MTPN: variants seen among roughly 807,000 people sequenced by gnomAD.
MTPN encodes the protein granule cell differentiation protein.
MTPN carries 2 observed loss-of-function variants against 13.5 expected under a neutral mutation model. The observed-to-expected ratio is 0.15, with a 90% CI of 0.06 to 0.47. The LOEUF is 0.47. Among genes scored for constraint, MTPN ranks in the 20% least tolerant of loss-of-function variants. The pLI is 0.97. For missense variants in MTPN, 79 were observed against 137.9 expected, an observed-to-expected ratio of 0.57 and a Z score of 2.14; for synonymous variants, 46 against 51.7, an observed-to-expected ratio of 0.89 and a Z score of 0.48.
intron 1 of MTPN, among the ~76,000 whole-genome samples, chr7:135,959,140 A>G (rs2116390169): frequency 6.6e-6 from 1 of 152,322 alleles, no homozygotes; most frequent in East Asian, 1.9e-4. Context: ...TTGTGAACAC[A>G]CTATGTATTC....
At chr7:135,973,145 G>A (rs998967486) in intron 1 of MTPN, among the ~76,000 whole-genome samples, 22 of 150,446 alleles carry the variant, frequency 1.5e-4, no homozygotes, top group African/African-American at 5.1e-4. Context: ...AAGATTACAT[G>A]CTTATATTCA....
chr7:135,953,257 G>A (rs993487899), intron 1 of MTPN, among the ~76,000 whole-genome samples: 14 of 152,066 alleles, frequency 9.2e-5, no homozygotes, highest in Admixed American at 7.9e-4. Flanking sequence ...TCTCTTTCTC[G>A]TAAAACTCAC....
rs1373471838 is a variant in MTPN at position 135,951,548 on chromosome 7, TC to T, written c.154del (p.Glu52AsnfsTer5). ...AADCGQLEIL[E>X]FLLLKGADIN... ...ATCTGCTCCTTTCAGCAGCAGAAAT[TC>T]CAGGATTTCAAGCTGCCCACAATCT... On this transcript the variant is annotated frameshift_variant, in exon 2 of 4. Transcript: ENST00000393085. LOFTEE classifies it high-confidence loss of function. 1 of 1,613,230 alleles carries T rather than the reference TC, an allele frequency of 6.2e-7. No individual in the cohort carries two copies. Among genetic ancestry groups the T allele is most frequent in the East Asian group, 2.2e-5 (1 of 44,848 alleles).
chr7:135,958,344 T>A (rs1182649040), intron 1 of MTPN, among the ~76,000 whole-genome samples: 4 of 152,336 alleles, frequency 2.6e-5, no homozygotes, highest in Admixed American at 2.6e-4. Flanking sequence ...TACAGTCACT[T>A]ATAACAGCTT....
At chr7:135,950,816 T>C in intron 2 of MTPN, 134 bp from the exon 3 acceptor site, 1 of 708,192 alleles carries the variant, frequency 1.4e-6, no homozygotes, top group Non-Finnish European at 2.4e-6. Flanking sequence ...ATCCACAGAG[T>C]CAAGTGTCTA....
chr7:135,945,170 G>C (rs556253825), intron 3 of MTPN, among the ~76,000 whole-genome samples: 2 of 152,192 alleles, frequency 1.3e-5, no homozygotes, highest in Non-Finnish European at 2.9e-5. Flanking sequence ...GAAGCCTGCA[G>C]GACTGGAGGT....
chr7:135,971,107 T>C (rs1231943618), intron 1 of MTPN, among the ~76,000 whole-genome samples: 1 of 152,152 alleles, frequency 6.6e-6, no homozygotes, highest in Admixed American at 6.5e-5. Context: ...GTTCAAGAGA[T>C]TCTATCCTTT....
At chr7:135,957,605 C>G (rs1799461672) in intron 1 of MTPN, among the ~76,000 whole-genome samples, 1 of 152,106 alleles carries the variant, frequency 6.6e-6, no homozygotes, top group African/African-American at 2.4e-5. Context: ...ATTCCAATGT[C>G]AAAGCATAGT....
At chr7:135,971,459 C>A (rs1174928927) in intron 1 of MTPN, among the ~76,000 whole-genome samples, 1 of 152,048 alleles carries the variant, frequency 6.6e-6, no homozygotes, top group African/African-American at 2.4e-5. Flanking sequence ...ATATAGTACC[C>A]CCCTAGTTTC....
intron 3 of MTPN, among the ~76,000 whole-genome samples, chr7:135,945,335 CTTT>C (rs1799274157): frequency 1.3e-5 from 2 of 152,084 alleles, no homozygotes; most frequent in Non-Finnish European, 2.9e-5. Flanking sequence ...CTCACTGTAA[CTTT>C]TTTACTTTAT....
chr7:135,960,753 T>C (rs1256084774), intron 1 of MTPN: 3 of 151,840 alleles, frequency 2.0e-5, no homozygotes, highest in Non-Finnish European at 4.4e-5. Flanking sequence ...ATACAGAAGA[T>C]TAGTACGGCC....
intron 3 of MTPN, among the ~76,000 whole-genome samples, chr7:135,942,904 C>T (rs548498748): frequency 6.6e-6 from 1 of 152,296 alleles, no homozygotes; most frequent in African/African-American, 2.4e-5. Context: ...AAGAGCTAAA[C>T]AGTTAACGAC....
At chr7:135,963,129 A>G (rs1468032809) in intron 1 of MTPN, among the ~76,000 whole-genome samples, 2 of 152,072 alleles carry the variant, frequency 1.3e-5, no homozygotes, top group Non-Finnish European at 2.9e-5. Context: ...ACAAAATTCT[A>G]TATAGTTGAG....
At position 135,927,469 on chromosome 7, in the gene MTPN, CA is replaced by C. The variant is rs1798938481; in HGVS notation, c.*2456del. On this transcript the variant is annotated 3_prime_UTR_variant, in exon 4 of 4. Coordinates refer to ENST00000393085, the MANE Select transcript of MTPN (RefSeq NM_145808.4). ...ATTTAATACAAAACTACAGAACATG[CA>C]AAATTTTTTCTGAGATGTTAAGTAT... 1 of 1,508,470 alleles carries C rather than the reference CA, an allele frequency of 6.6e-7. No individual in the cohort carries two copies. The highest frequency in any genetic ancestry group is 2.5e-5 in the East Asian group (1 of 40,466). The allele number at this position is 1,508,470 out of a possible 1,614,324, so 93.4% of individuals were successfully genotyped here.
chr7:135,952,195 T>G (rs780919756), intron 1 of MTPN, among the ~76,000 whole-genome samples: 10 of 152,162 alleles, frequency 6.6e-5, no homozygotes, highest in Non-Finnish European at 1.3e-4. Flanking sequence ...GCTTACCGTC[T>G]GGGGTTGGGG....
intron 1 of MTPN, among the ~76,000 whole-genome samples, chr7:135,966,495 T>G (rs1799608152): frequency 1.3e-5 from 2 of 152,034 alleles, no homozygotes; most frequent in Non-Finnish European, 2.9e-5. Context: ...AAATTCAAAA[T>G]TTGAAGTACA....
Position 135,977,193 on chromosome 7 carries a change from C to T in MTPN, c.-93G>A. The T allele has an allele frequency of 7.8e-7, 1 of 1,288,468 alleles. No individual in the cohort carries two copies. Among genetic ancestry groups the T allele is most frequent in the Admixed American group, 1.7e-5 (1 of 59,000 alleles). The allele number at this position is 1,288,468 out of a possible 1,614,324, so 79.8% of individuals were successfully genotyped here. On this transcript the variant is annotated 5_prime_UTR_variant, in exon 1 of 4. Transcript: ENST00000393085. ...CCGCCGGGCGAGAGGGAGGCAGGGC[C>T]GCGCGAAGCCGGAGAGGAGAAGAAG...
chr7:135,931,101 G>A (rs1799015010), intron 3 of MTPN, among the ~76,000 whole-genome samples: 1 of 152,032 alleles, frequency 6.6e-6, no homozygotes, highest in South Asian at 2.1e-4. Flanking sequence ...ATCCATGCGG[G>A]CTCTAGATGG....
chr7:135,949,955 G>A (rs2116373157), intron 3 of MTPN, among the ~76,000 whole-genome samples: 1 of 152,260 alleles, frequency 6.6e-6, no homozygotes, highest in East Asian at 1.9e-4. Context: ...ACTGTAACTG[G>A]TAATATTTTC....
Sources: gnomAD v4.1 joint callset for allele counts (sites outside exome capture counted in the v4.1 genomes callset) on GRCh38, gnomAD v4.1.1 for gene constraint, MANE v1.5 for transcripts, NCBI Gene and HGNC (gene_info 2026-07-23, HGNC 2026-07-21) for gene names.